Variants in SCAPER observed in about 807,000 individuals in gnomAD.
SCAPER encodes S-phase cyclin A associated protein in the ER.
SCAPER carries 98 observed loss-of-function variants against 182.2 expected under a neutral mutation model. The observed-to-expected ratio is 0.54, with a 90% CI of 0.46 to 0.64. The LOEUF is 0.64. Among genes scored for constraint, SCAPER ranks in the 30% least tolerant of loss-of-function variants. SCAPER has a pLI of 0.00. For missense variants in SCAPER, 1,432 were observed against 1,690.0 expected (o/e 0.85, Z 2.68); for synonymous variants, 605 against 564.6 (o/e 1.07, Z -1.01).
chr15:76,816,654 A>ATT lies in SCAPER; in HGVS notation c.394-12023_394-12022dup, dbSNP rs34237655. 4.4e-3 allele frequency among the ~76,000 whole-genome samples: 628 copies of ATT among 142,800 alleles called. 8 individuals carry two copies. Among genetic ancestry groups the ATT allele is most frequent in the African/African-American group, 0.015 (582 of 39,220 alleles). 93.7% of individuals were successfully genotyped at this position (142,800 alleles called of 152,430 possible). A position where few individuals can be genotyped will look rare whatever the true frequency, so the allele number is the denominator to read the frequency against. ...TAAAAATACATAAGCCAGTAACATAATTTTTTTTTTTTTTTTGAGATGGAG... is the reference window on the plus strand; with the variant it reads ...TAAAAATACATAAGCCAGTAACATAATTTTTTTTTTTTTTTTTTGAGATGGAG... On this transcript the variant is annotated intron_variant, in intron 5 of 31. Coordinates refer to ENST00000563290, the MANE Select transcript of SCAPER (RefSeq NM_020843.4).
chr15:76,537,015 G>A (rs1478035609), intron 23 of SCAPER, among the ~76,000 whole-genome samples: 7 of 152,262 alleles, frequency 4.6e-5, no homozygotes, highest in African/African-American at 1.2e-4. Context: ...TACAAGGGAC[G>A]TGAAGGACCT....
chr15:76,473,916 C>T (rs528532578), intron 24 of SCAPER, among the ~76,000 whole-genome samples: 1 of 152,266 alleles, frequency 6.6e-6, no homozygotes, highest in East Asian at 1.9e-4. Flanking sequence ...TATTCTCCCA[C>T]CTCAGCCTCC....
In SCAPER at chr15:76,594,517, C is replaced by A. The variant is rs1176116244; in HGVS notation, c.2712-20233G>T. ...CCTCGAGAAGAGCAACCCCAAGACA[C>A]ATAATCATCAGATTCACCAAGGTTG... On this transcript the variant is annotated intron_variant, in intron 22 of 31. Transcript: ENST00000563290. Among the ~76,000 whole-genome samples the A allele has an allele frequency of 1.7e-5, 2 of 120,868 alleles. 1 individual carries two copies. Among genetic ancestry groups the A allele is most frequent in the Non-Finnish European group, 4.0e-5 (2 of 49,918 alleles). The allele number at this position is 120,868 out of a possible 152,430, so 79.3% of individuals were successfully genotyped here.
At chr15:76,787,099 T>C (rs1275819720) in intron 8 of SCAPER, among the ~76,000 whole-genome samples, 2 of 152,204 alleles carry the variant, frequency 1.3e-5, no homozygotes, top group Non-Finnish European at 2.9e-5. Flanking sequence ...GTAATTGTTC[T>C]ATAAACTCCC....
intron 5 of SCAPER, among the ~76,000 whole-genome samples, chr15:76,805,684 C>T (rs1241414366): frequency 3.3e-5 from 5 of 151,640 alleles, no homozygotes; most frequent in African/African-American, 1.2e-4. Flanking sequence ...TCTCCTGCCT[C>T]AGCCTCCCAA....
At chr15:76,533,538 G>C (rs1162198220) in intron 23 of SCAPER, among the ~76,000 whole-genome samples, 1 of 151,976 alleles carries the variant, frequency 6.6e-6, no homozygotes, top group Non-Finnish European at 1.5e-5. Flanking sequence ...GTCTGTGTAA[G>C]TATACTCTAT....
chr15:76,544,587 A>G (rs2045081602), intron 23 of SCAPER, among the ~76,000 whole-genome samples: 1 of 152,270 alleles, frequency 6.6e-6, no homozygotes, highest in African/African-American at 2.4e-5. Context: ...GAATAATTTT[A>G]TTCATATAAA....
At chr15:76,802,864 G>A (rs1200436475) in intron 6 of SCAPER, among the ~76,000 whole-genome samples, 1 of 152,116 alleles carries the variant, frequency 6.6e-6, no homozygotes, top group African/African-American at 2.4e-5. Flanking sequence ...CAGAGTTTAG[G>A]AATTACTTAG....
At chr15:76,454,486 A>T (rs1177351878) in intron 25 of SCAPER, among the ~76,000 whole-genome samples, 5 of 152,188 alleles carry the variant, frequency 3.3e-5, no homozygotes. Context: ...AACCATTATC[A>T]TGATTTTGTG....
intron 29 of SCAPER, among the ~76,000 whole-genome samples, chr15:76,374,894 T>C (rs1596340206): frequency 6.6e-6 from 1 of 152,098 alleles, no homozygotes; most frequent in East Asian, 1.9e-4. Flanking sequence ...ACTTTATTAT[T>C]AGTAAAAAAT....
At chr15:76,664,257 T>C (rs914511269) in intron 21 of SCAPER, among the ~76,000 whole-genome samples, 2 of 152,094 alleles carry the variant, frequency 1.3e-5, no homozygotes, top group Non-Finnish European at 2.9e-5. Context: ...ACTATAACAA[T>C]CCAGGTAAGA....
At chr15:76,530,717 T>C (rs935199899) in intron 23 of SCAPER, among the ~76,000 whole-genome samples, 1 of 152,116 alleles carries the variant, frequency 6.6e-6, no homozygotes, top group Non-Finnish European at 1.5e-5. Flanking sequence ...CTGGAAATTA[T>C]CACCATCATA....
At chr15:76,426,465 A>T (rs1211614114) in intron 26 of SCAPER, among the ~76,000 whole-genome samples, 1 of 151,932 alleles carries the variant, frequency 6.6e-6, no homozygotes, top group Non-Finnish European at 1.5e-5. Context: ...TGCAGAAATC[A>T]CCCGTCTTCT....
chr15:76,742,420 A>G (rs2151119553), intron 15 of SCAPER, among the ~76,000 whole-genome samples: 1 of 149,708 alleles, frequency 6.7e-6, no homozygotes, highest in South Asian at 2.1e-4. Context: ...AAAGGGGACA[A>G]AAATAGGACC....
chr15:76,718,798 A>G (rs1598348814), intron 17 of SCAPER, among the ~76,000 whole-genome samples: 1 of 152,326 alleles, frequency 6.6e-6, no homozygotes, highest in Admixed American at 6.5e-5. Flanking sequence ...AGATATATGG[A>G]AAGGTGATGT....
intron 5 of SCAPER, among the ~76,000 whole-genome samples, chr15:76,825,651 T>G (rs1041035294): frequency 2.0e-5 from 3 of 152,216 alleles, no homozygotes; most frequent in African/African-American, 7.2e-5. Context: ...TGATCAAATC[T>G]CAAATCATTT....
intron 20 of SCAPER, among the ~76,000 whole-genome samples, chr15:76,687,731 G>A (rs1020815246): frequency 1.3e-5 from 2 of 152,086 alleles, no homozygotes; most frequent in African/African-American, 4.8e-5. Context: ...GAGAATGATG[G>A]TTTCCAGCTT....
intron 23 of SCAPER, among the ~76,000 whole-genome samples, chr15:76,518,988 G>C (rs1410189174): frequency 6.6e-6 from 1 of 152,178 alleles, no homozygotes; most frequent in Non-Finnish European, 1.5e-5. Flanking sequence ...GCTACTATTA[G>C]CTAGTGAGAA....
In SCAPER at chr15:76,774,902, T is replaced by C. The variant is rs2063658648; in HGVS notation, c.988A>G (p.Lys330Glu). Residue 330 changes from lysine to glutamate, a missense_variant, in exon 9 of 32, where the codon AAA becomes GAA. Transcript: ENST00000563290. ...TGGTCACAAGAGTGTAATGAGTCTT[T>C]GGGATGAGATTCTATAGTATTAGAA... ...GTSNTIESHPKDSLHSCDHPL... is the reference protein window; with the variant it reads ...GTSNTIESHPEDSLHSCDHPL... 1 of 1,613,524 alleles carries C rather than the reference T, an allele frequency of 6.2e-7. No homozygotes were observed.
Sources: gnomAD v4.1 joint callset for allele counts (sites outside exome capture counted in the v4.1 genomes callset) on GRCh38, gnomAD v4.1.1 for gene constraint, MANE v1.5 for transcripts, NCBI Gene and HGNC (gene_info 2026-07-23, HGNC 2026-07-21) for gene names.